The following IQANK1 variants were observed in gnomAD, a reference collection of about 807,000 sequenced individuals.
IQANK1 encodes IQ motif and ankyrin repeat containing 1.
In IQANK1, 30 loss-of-function variants were observed where a neutral mutation model predicts 22.6. That is an observed-to-expected ratio of 1.33 (90% CI 0.99 to 1.80). The LOEUF is 1.80. IQANK1 is among the 40% of genes most tolerant of loss of function. IQANK1 has a pLI of 0.00. For synonymous variants in IQANK1, 122 were observed against 99.6 expected, an observed-to-expected ratio of 1.23 and a Z score of -1.34; for missense variants, 275 against 235.2, an observed-to-expected ratio of 1.17 and a Z score of -1.11.
chr8:143,766,643 C>T lies in IQANK1; in HGVS notation c.176-4845C>T, dbSNP rs142250390. Among the ~76,000 whole-genome samples, 643 of 151,986 alleles carry T rather than the reference C, an allele frequency of 4.2e-3. 9 individuals carry two copies. The South Asian group carries it at 0.05, about 12-fold the overall frequency. ...CCAGGATCGAGTCACTGCACTCCAGCCTACGTGACGGTGCGAGATTCTGTC... is the reference window on the plus strand; with the variant it reads ...CCAGGATCGAGTCACTGCACTCCAGTCTACGTGACGGTGCGAGATTCTGTC... On this transcript the variant is annotated intron_variant, in intron 3 of 13. Transcript: ENST00000527139.
rs1326475790 is a variant in IQANK1, at chr8:143,739,912, G to T, written c.139G>T (p.Glu47Ter). 2 of 699,030 alleles carry T rather than the reference G, an allele frequency of 2.9e-6. No individual in the cohort carries two copies. Among genetic ancestry groups the T allele is most frequent in the East Asian group, 2.7e-5 (1 of 37,010 alleles). The allele number at this position is 699,030 out of a possible 1,614,324, so 43.3% of individuals were successfully genotyped here. Reference protein sequence around the residue: ...PQRKAGWQAREPASAESPQAP... With the variant: ...PQRKAGWQAR ...GAGGAAAGCGGGCTGGCAGGCGAGG[G>T]AGCCCGCGTCGGCTGAGAGCCCACA... The change falls in exon 3 of 14, where the codon GAG becomes TAG. Residue 47 changes from glutamate (E) to a stop codon, truncating the protein, a stop_gained. Transcript: ENST00000527139. LOFTEE classifies it high-confidence loss of function.
chr8:143,772,365 C>T lies in IQANK1; in HGVS notation c.672C>T (p.Phe224=). 1.0e-5 allele frequency: 4 copies of T among 399,146 alleles called. No homozygotes were observed. The highest frequency in any genetic ancestry group is 4.4e-6 in the Non-Finnish European group (1 of 226,202). The allele number at this position is 399,146 out of a possible 1,614,324, so 24.7% of individuals were successfully genotyped here. Residue 224 remains phenylalanine (F), a synonymous_variant, in exon 7 of 14, where the codon TTC becomes TTT. Coordinates refer to ENST00000527139, the MANE Select transcript of IQANK1 (RefSeq NM_001381874.1). ...GGGGGCCCGTCTTGCAGGGCGCTTT[C>T]GGTCCGACGCCGCTGTACCGTGCAG... ...LGASPNSKGA[F]GPTPLYRAAF... is the part of the protein sequence containing the mutation.
chr8:143,785,253 C>CTTTTTTTT (rs36118052), intron 7 of IQANK1, among the ~76,000 whole-genome samples: 1 of 92,038 alleles, frequency 1.1e-5, no homozygotes, highest in African/African-American at 3.6e-5. Context: ...TGTTCTGTAT[C>CTTTTTTTT]TTTTTTTTTT....
intron 3 of IQANK1, among the ~76,000 whole-genome samples, chr8:143,750,944 TTGTGTGTGTG>T (rs56002701): frequency 4.5e-4 from 67 of 149,804 alleles, no homozygotes; most frequent in Middle Eastern, 3.4e-3. Context: ...CTGTCTTCTT[TTGTGTGTGTG>T]TGTGTGTGTG....
chr8:143,775,198 T>C (rs1281080039), intron 7 of IQANK1, among the ~76,000 whole-genome samples: 1 of 152,098 alleles, frequency 6.6e-6, no homozygotes, highest in Non-Finnish European at 1.5e-5. Flanking sequence ...CTAGTTTGTA[T>C]GTTGTACCGT....
intron 7 of IQANK1, among the ~76,000 whole-genome samples, chr8:143,781,735 A>G (rs940499864): frequency 6.6e-6 from 1 of 152,162 alleles, no homozygotes; most frequent in Admixed American, 6.6e-5. Flanking sequence ...GTATAGTTTG[A>G]AGCCGGGTAA....
At chr8:143,763,793 C>G (rs114237411) in intron 3 of IQANK1, among the ~76,000 whole-genome samples, 1 of 152,204 alleles carries the variant, frequency 6.6e-6, no homozygotes, top group Admixed American at 6.5e-5. Context: ...CTCAGGTGTT[C>G]CTCTGTGGCA....
At chr8:143,776,214 G>A (rs1185563580) in intron 7 of IQANK1, among the ~76,000 whole-genome samples, 11 of 151,578 alleles carry the variant, frequency 7.3e-5, no homozygotes, top group South Asian at 2.1e-4. Context: ...CCAGCTACTC[G>A]GGAGGCTGAG....
At chr8:143,780,194 T>C (rs931366391) in intron 7 of IQANK1, among the ~76,000 whole-genome samples, 2 of 152,162 alleles carry the variant, frequency 1.3e-5, no homozygotes, top group South Asian at 4.1e-4. Flanking sequence ...GTTACAAAAC[T>C]TTCCTGAAAT....
At chr8:143,746,309 A>C (rs1354808773) in intron 3 of IQANK1, 1 of 152,216 alleles carries the variant, frequency 6.6e-6, no homozygotes, top group Non-Finnish European at 1.5e-5. Context: ...TAAATGATCT[A>C]TATCAGGCTG....
chr8:143,751,678 A>ATATAT (rs1554628061), intron 3 of IQANK1, among the ~76,000 whole-genome samples: 1 of 139,116 alleles, frequency 7.2e-6, no homozygotes, highest in Non-Finnish European at 1.6e-5. Context: ...ATATATATAT[A>ATATAT]AAATCCTATA....
In IQANK1 at chr8:143,771,384, T is replaced by A; in HGVS notation, c.176-104T>A. 2.7e-6 allele frequency: 1 copy of A among 376,020 alleles called. No homozygotes were observed. The highest frequency in any genetic ancestry group is 4.6e-6 in the Non-Finnish European group (1 of 216,240). 23.3% of individuals were successfully genotyped at this position (376,020 alleles called of 1,614,324 possible). The stretch of plus-strand genomic sequence containing the variant: ...GGGGCTTTGAGAGCCGTTTGGGTCC[T>A]TCTGTCGGGGCGGGGGCGGGGGCGG... On this transcript the variant is annotated intron_variant, in intron 3 of 13. Coordinates refer to ENST00000527139, the MANE Select transcript of IQANK1 (RefSeq NM_001381874.1). The surrounding 1 kb of genome is among the most constrained non-coding windows in gnomAD (Gnocchi z 6.0).
chr8:143,790,256 T>C lies in IQANK1; in HGVS notation c.1409T>C (p.Leu470Pro). ...PLRPETMWLALLGALRYGKPL... is the reference protein window; with the variant it reads ...PLRPETMWLAPLGALRYGKPL... ...AGGCCGGAGACGATGTGGCTGGCTCTGCTGGGGGCTCTGCGGTGAGGCAGG... is the reference window on the plus strand; with the variant it reads ...AGGCCGGAGACGATGTGGCTGGCTCCGCTGGGGGCTCTGCGGTGAGGCAGG... The change falls in exon 13 of 14, where the codon CTG becomes CCG. Residue 470 changes from leucine (L) to proline (P), a missense_variant. Transcript: ENST00000527139. 1 of 1,232,080 alleles carries C rather than the reference T, an allele frequency of 8.1e-7. No individual in the cohort carries two copies. Among genetic ancestry groups the C allele is most frequent in the South Asian group, 4.1e-5 (1 of 24,322 alleles). The allele number at this position is 1,232,080 out of a possible 1,614,324, so 76.3% of individuals were successfully genotyped here.
chr8:143,760,751 A>G (rs1366868621), intron 3 of IQANK1, among the ~76,000 whole-genome samples: 2 of 152,224 alleles, frequency 1.3e-5, no homozygotes, highest in African/African-American at 4.8e-5. Flanking sequence ...GTTTAAAGTA[A>G]CAAGAAGGAC....
chr8:143,739,830 C>G (rs372185147), intron 2 of IQANK1, 29 bp from the exon 3 acceptor site: 657 of 685,462 alleles, frequency 9.6e-4, no homozygotes, highest in African/African-American at 3.6e-3. Context: ...TCTCTCATCC[C>G]AAGCTCACTG....
At chr8:143,742,612 A>G (rs1213800190) in intron 3 of IQANK1, 2 of 455,968 alleles carry the variant, frequency 4.4e-6, no homozygotes, top group African/African-American at 2.0e-5. Context: ...GGAAGGCAGC[A>G]TTCCAGGAGC....
At chr8:143,782,727 C>T (rs913837263) in intron 7 of IQANK1, among the ~76,000 whole-genome samples, 6 of 152,220 alleles carry the variant, frequency 3.9e-5, no homozygotes, top group Non-Finnish European at 8.8e-5. Flanking sequence ...CTGCCCACCT[C>T]GGTCTCCCGA....
At chr8:143,761,080 T>G (rs967045793) in intron 3 of IQANK1, among the ~76,000 whole-genome samples, 1 of 152,284 alleles carries the variant, frequency 6.6e-6, no homozygotes, top group Admixed American at 6.5e-5. Context: ...AATGCGGGTT[T>G]CGCCGGGAGC....
intron 3 of IQANK1, among the ~76,000 whole-genome samples, chr8:143,756,075 A>G (rs1353738303): frequency 2.0e-5 from 3 of 152,194 alleles, no homozygotes; most frequent in Non-Finnish European, 4.4e-5. Flanking sequence ...ACTCTGGTGG[A>G]CATTTGCAAA....
Sources: allele counts gnomAD v4.1 joint callset (sites outside exome capture counted in the v4.1 genomes callset), GRCh38; gene constraint gnomAD v4.1.1; non-coding constraint Gnocchi (gnomAD v3.1); transcripts MANE v1.5; gene names NCBI Gene and HGNC (gene_info 2026-07-23, HGNC 2026-07-21).